NHSL1: variants seen among roughly 807,000 people sequenced by gnomAD.
The protein encoded by NHSL1 is NHS like 1.
A neutral mutation model predicts 95.0 loss-of-function variants in NHSL1; 48 were observed. The ratio of observed to expected loss-of-function variants is 0.51; its 90% CI spans 0.40 to 0.64. NHSL1 has a LOEUF of 0.64. NHSL1 is among the 30% of genes least tolerant of loss of function. The probability of loss-of-function intolerance (pLI) is 0.00; values close to 1 mark genes in which losing one functional copy is unlikely to be tolerated. For synonymous variants in NHSL1, 783 were observed against 833.9 expected, an observed-to-expected ratio of 0.94 and a Z score of 1.05; for missense variants, 1,971 against 2,077.7, an observed-to-expected ratio of 0.95 and a Z score of 1.00.
chr6:138,622,935 A>G (rs1784684826), intron 1 of NHSL1, among the ~76,000 whole-genome samples: 1 of 152,218 alleles, frequency 6.6e-6, no homozygotes, highest in African/African-American at 2.4e-5. Context: ...GAGGCGATAA[A>G]GTAGGTAACA....
chr6:138,683,662 A>T (rs1185660757), intron 1 of NHSL1, among the ~76,000 whole-genome samples: 1 of 152,210 alleles, frequency 6.6e-6, no homozygotes, highest in East Asian at 1.9e-4. Flanking sequence ...TTGAAGTTAG[A>T]TCAGGTAACT....
intron 1 of NHSL1, among the ~76,000 whole-genome samples, chr6:138,670,665 C>CAAAA (rs370888768): frequency 2.3e-3 from 161 of 69,294 alleles, no homozygotes; most frequent in African/African-American, 8.0e-3. Flanking sequence ...GACTCCGTCT[C>CAAAA]AAAAAAAAAA....
At chr6:138,666,079 G>A (rs1300379134) in intron 1 of NHSL1, among the ~76,000 whole-genome samples, 7 of 152,152 alleles carry the variant, frequency 4.6e-5, no homozygotes, top group Non-Finnish European at 7.4e-5. Flanking sequence ...CAAGGCGGGC[G>A]GATCACCTGA....
At chr6:138,670,787 A>G (rs1230697846) in intron 1 of NHSL1, among the ~76,000 whole-genome samples, 1 of 152,206 alleles carries the variant, frequency 6.6e-6, no homozygotes, top group East Asian at 1.9e-4. Context: ...CAACAAAACA[A>G]GCTCTTGCAA....
At position 138,439,317 on chromosome 6, in the gene NHSL1, T is replaced by C. The variant is rs184300506; in HGVS notation, c.664+2666A>G. On this transcript the variant is annotated intron_variant, in intron 5 of 7. Coordinates refer to ENST00000343505, the MANE Select transcript of NHSL1 (RefSeq NM_001144060.2). ...CATTTTCTTTTTTGTCTAATTTGTT[T>C]GTTATACTTCCCTTGTGTGTCTTAT... Among the ~76,000 whole-genome samples, 214 of 152,340 alleles carry C rather than the reference T, an allele frequency of 1.4e-3. 1 individual carries two copies. The highest frequency in any genetic ancestry group is 3.7e-3 in the Admixed American group (57 of 15,298).
chr6:138,543,206 C>T (rs1455087918), intron 1 of NHSL1, among the ~76,000 whole-genome samples: 1 of 152,148 alleles, frequency 6.6e-6, no homozygotes, highest in Non-Finnish European at 1.5e-5. Context: ...AGTGAAGGAA[C>T]GTACCATGCC....
chr6:138,537,216 G>A (rs901675389), intron 1 of NHSL1, among the ~76,000 whole-genome samples: 1 of 152,192 alleles, frequency 6.6e-6, no homozygotes, highest in Non-Finnish European at 1.5e-5. Flanking sequence ...TGTCTCAATT[G>A]CTGTGGCAGC....
At chr6:138,536,431 CA>C (rs1292287141) in intron 1 of NHSL1, among the ~76,000 whole-genome samples, 12 of 152,162 alleles carry the variant, frequency 7.9e-5, no homozygotes, top group African/African-American at 2.4e-4. Context: ...CACGGAAAAG[CA>C]GCCATCTCTA....
chr6:138,565,414 G>T (rs891302105), intron 1 of NHSL1, among the ~76,000 whole-genome samples: 5 of 151,994 alleles, frequency 3.3e-5, no homozygotes, highest in Non-Finnish European at 5.9e-5. Flanking sequence ...GCTGGTTTTT[G>T]TATCTTAGGA....
chr6:138,499,729 T>C (rs1467831563), upstream of NHSL1, among the ~76,000 whole-genome samples: 3 of 152,168 alleles, frequency 2.0e-5, no homozygotes, highest in African/African-American at 7.2e-5. Context: ...ACAAATGTGT[T>C]CCCCATTTCA....
intron 1 of NHSL1, among the ~76,000 whole-genome samples, chr6:138,614,200 T>C (rs1479897113): frequency 2.0e-5 from 3 of 152,206 alleles, no homozygotes; most frequent in African/African-American, 7.2e-5. Context: ...GAAATCTCTT[T>C]ATAAAGAGAG....
At chr6:138,591,039 G>A (rs770717906) in intron 1 of NHSL1, among the ~76,000 whole-genome samples, 3 of 152,212 alleles carry the variant, frequency 2.0e-5, no homozygotes, top group African/African-American at 4.8e-5. Flanking sequence ...TCTGGGAATC[G>A]CCTCCTCTCA....
At chr6:138,481,158 G>A (rs1779394966) in intron 2 of NHSL1, among the ~76,000 whole-genome samples, 4 of 152,138 alleles carry the variant, frequency 2.6e-5, no homozygotes, top group Admixed American at 2.6e-4. Flanking sequence ...GTATTGTATA[G>A]CTAAATAATC....
chr6:138,649,256 C>G (rs1054273566), intron 1 of NHSL1, among the ~76,000 whole-genome samples: 4 of 152,016 alleles, frequency 2.6e-5, no homozygotes, highest in African/African-American at 9.7e-5. Flanking sequence ...TCTAGTCAGT[C>G]GTCTCTCACT....
At chr6:138,597,197 G>A (rs1197666812) in intron 1 of NHSL1, among the ~76,000 whole-genome samples, 2 of 151,964 alleles carry the variant, frequency 1.3e-5, no homozygotes, top group African/African-American at 2.4e-5. Flanking sequence ...TGCAAACAGC[G>A]AATAGAATAC....
intron 1 of NHSL1, among the ~76,000 whole-genome samples, chr6:138,647,602 C>CTTTT (rs368149578): frequency 7.3e-6 from 1 of 136,228 alleles, no homozygotes; most frequent in African/African-American, 2.7e-5. Context: ...ATATTTCTCA[C>CTTTT]TTTTTTTTTT....
chr6:138,581,595 GGC>G (rs1374770310), intron 1 of NHSL1, among the ~76,000 whole-genome samples: 2 of 151,086 alleles, frequency 1.3e-5, no homozygotes, highest in Non-Finnish European at 2.9e-5. Flanking sequence ...GGGAGGCAGA[GGC>G]AGGAGAATCG....
intron 1 of NHSL1, among the ~76,000 whole-genome samples, chr6:138,668,711 G>A (rs955957795): frequency 5.6e-5 from 8 of 144,066 alleles, no homozygotes; most frequent in South Asian, 2.2e-4. Context: ...TGCAACCTCC[G>A]CCTCCCGGGT....
At chr6:138,519,053 C>CAA (rs1781569395) in intron 1 of NHSL1, among the ~76,000 whole-genome samples, 2 of 150,336 alleles carry the variant, frequency 1.3e-5, no homozygotes, top group East Asian at 4.0e-4. Flanking sequence ...TAAATAAATA[C>CAA]ATACATACAT....
Sources: gnomAD v4.1 joint callset for allele counts (sites outside exome capture counted in the v4.1 genomes callset) on GRCh38, gnomAD v4.1.1 for gene constraint, MANE v1.5 for transcripts, NCBI Gene and HGNC (gene_info 2026-07-23, HGNC 2026-07-21) for gene names.